Variants in NBPF8 observed in about 807,000 individuals in gnomAD.
The protein encoded by NBPF8 is NBPF family member NBPF8.
chr1:120,465,600 T>TG (rs1440588085), intron 24 of NBPF8, among the ~76,000 whole-genome samples: 1 of 145,952 alleles, frequency 6.9e-6, no homozygotes, highest in Non-Finnish European at 1.5e-5. Flanking sequence ...TGTACTCTCA[T>TG]GGCCACTGCA....
chr1:120,417,849 C>T (rs1468552200), upstream of NBPF8, among the ~76,000 whole-genome samples: 1 of 144,896 alleles, frequency 6.9e-6, no homozygotes, highest in African/African-American at 2.6e-5. Flanking sequence ...AATCTTCCCA[C>T]TTAAGCCTCC....
At chr1:120,463,102 TA>T (rs2101698783) in intron 21 of NBPF8, 136 bp downstream of exon 19, 2 of 699,558 alleles carry the variant, frequency 2.9e-6, no homozygotes, top group East Asian at 2.7e-5. Context: ...ATATAGGTTG[TA>T]ATGAGACTGT....
At chr1:120,422,249 A>C (rs1380526000) in intron 1 of NBPF8, among the ~76,000 whole-genome samples, 1 of 151,832 alleles carries the variant, frequency 6.6e-6, no homozygotes, top group Non-Finnish European at 1.5e-5. Flanking sequence ...ATTATCAACT[A>C]AAGTCCATAG....
At chr1:120,463,205 C>G (rs1408230163) in intron 21 of NBPF8, among the ~76,000 whole-genome samples, 2 of 145,538 alleles carry the variant, frequency 1.4e-5, no homozygotes, top group Non-Finnish European at 3.0e-5. Flanking sequence ...TGAGCCCGCT[C>G]TCAGCACATT....
At chr1:120,468,800 G>A (rs1325396920), downstream of NBPF8, among the ~76,000 whole-genome samples, 2 of 151,332 alleles carry the variant, frequency 1.3e-5, no homozygotes, top group African/African-American at 2.4e-5. Flanking sequence ...AGTTTTGCCT[G>A]GGTTCTATCA....
At chr1:120,466,015 G>C (rs1324976450) in exon 25 of NBPF8, 1 of 1,611,564 alleles carries the variant, frequency 6.2e-7, no homozygotes, top group Non-Finnish European at 8.5e-7. Context: ...AGAGCCTGAA[G>C]TCTTACAGGA....
chr1:120,467,875 G>C (rs1343943417), downstream of NBPF8: 1 of 151,990 alleles, frequency 6.6e-6, no homozygotes, highest in Non-Finnish European at 1.5e-5. Flanking sequence ...CCACATTGTA[G>C]GCTATGTTTA....
chr1:120,450,218 CTG>C (rs1661225611), intron 11 of NBPF8, among the ~76,000 whole-genome samples: 1 of 151,830 alleles, frequency 6.6e-6, no homozygotes, highest in Non-Finnish European at 1.5e-5. Context: ...CAGGGCAAGA[CTG>C]TTAAAAATAA....
upstream of NBPF8, among the ~76,000 whole-genome samples, chr1:120,431,636 G>C (rs1490763761): frequency 3.3e-5 from 5 of 150,652 alleles, no homozygotes; most frequent in East Asian, 9.8e-4. Flanking sequence ...AATAGCACCT[G>C]TTGGTGAGGA....
intron 13 of NBPF8, among the ~76,000 whole-genome samples, chr1:120,452,714 T>G (rs1189927078): frequency 6.6e-6 from 1 of 152,256 alleles, no homozygotes; most frequent in South Asian, 2.1e-4. Flanking sequence ...GTGAATGACT[T>G]GTCCTTCCTG....
Position 120,422,502 on chromosome 1 carries a change from C to G in NBPF8, n.269+2384C>G, listed in dbSNP as rs1229653426. Among the ~76,000 whole-genome samples, 7 of 110,478 alleles carry G rather than the reference C, an allele frequency of 6.3e-5. 2 individuals carry two copies. The highest frequency in any genetic ancestry group is 2.9e-4 in the African/African-American group (6 of 20,716). The allele number at this position is 110,478 out of a possible 152,430, so 72.5% of individuals were successfully genotyped here. ...GAATTACAGTATGTAGGTTTCCAGA[C>G]TGGCTTCTTTCTAGCATTGTGTACT... is the stretch of plus-strand genomic sequence containing the variant. On this transcript the variant is annotated intron_variant and non_coding_transcript_variant, in intron 1 of 28. Coordinates refer to the NBPF8 transcript ENST00000652355.
At chr1:120,449,951 G>A (rs1374842413) in intron 11 of NBPF8, among the ~76,000 whole-genome samples, 22 of 152,230 alleles carry the variant, frequency 1.4e-4, no homozygotes, top group South Asian at 2.1e-4. Flanking sequence ...AGTAGGGGCC[G>A]TGCATGGTGG....
chr1:120,455,120 C>T (rs1337475354), intron 15 of NBPF8, among the ~76,000 whole-genome samples: 1 of 150,694 alleles, frequency 6.6e-6, no homozygotes, highest in South Asian at 2.1e-4. Flanking sequence ...AATTGTTTGA[C>T]CAATTTTTGG....
exon 24 of NBPF8, chr1:120,465,370 A>T: frequency 1.6e-6 from 1 of 617,134 alleles, no homozygotes; most frequent in Non-Finnish European, 2.9e-6. Flanking sequence ...ACCATGCCCC[A>T]GGTAACTTTC....
At chr1:120,429,496 AAG>A (rs1660815166) in intron 3 of NBPF8, among the ~76,000 whole-genome samples, 1 of 152,114 alleles carries the variant, frequency 6.6e-6, no homozygotes, top group Non-Finnish European at 1.5e-5. Flanking sequence ...AGGGTTCTGG[AAG>A]AGTAGAGGAC....
At chr1:120,423,196 A>T (rs1245905883) in intron 1 of NBPF8, among the ~76,000 whole-genome samples, 1 of 133,922 alleles carries the variant, frequency 7.5e-6, no homozygotes, top group African/African-American at 3.4e-5. Context: ...AGAAGCCATC[A>T]TTGAACCCAG....
At chr1:120,464,084 A>C (rs1260628628) in intron 22 of NBPF8, among the ~76,000 whole-genome samples, 1 of 41,870 alleles carries the variant, frequency 2.4e-5, no homozygotes, top group Non-Finnish European at 4.0e-5. Context: ...CTCCCTCATC[A>C]GTGTGTCACC....
chr1:120,415,249 C>T (rs1557924155), upstream of NBPF8, among the ~76,000 whole-genome samples: 1 of 152,210 alleles, frequency 6.6e-6, no homozygotes. Context: ...TTACGGTTTA[C>T]AGCGAAGTCC....
chr1:120,460,168 G>T (rs1273467602), intron 17 of NBPF8, among the ~76,000 whole-genome samples: 2 of 152,148 alleles, frequency 1.3e-5, no homozygotes, highest in Admixed American at 1.3e-4. Flanking sequence ...CTGGTACATT[G>T]CACCCCCTCA....
Sources: gnomAD v4.1 joint callset for allele counts (sites outside exome capture counted in the v4.1 genomes callset) on GRCh38, gnomAD v4.1.1 for gene constraint, MANE v1.5 for transcripts, NCBI Gene and HGNC (gene_info 2026-07-23, HGNC 2026-07-21) for gene names.